The following KRT28 variants were observed in gnomAD, a reference collection of about 807,000 sequenced individuals.
KRT28 encodes keratin, type I cytoskeletal 28.
In KRT28, 45 loss-of-function variants were observed where a neutral mutation model predicts 48.1. That is an observed-to-expected ratio of 0.94 (90% CI 0.74 to 1.20). The LOEUF (loss-of-function observed/expected upper bound fraction) is 1.20. Among genes scored for constraint, KRT28 ranks in the 50% most tolerant of loss-of-function variants. KRT28 has a pLI of 0.00. For synonymous variants in KRT28, 228 were observed against 227.4 expected (o/e 1.00, Z -0.03); for missense variants, 571 against 574.1 (o/e 0.99, Z 0.06).
rs780539249 is a variant in KRT28 at position 40,799,742 on chromosome 17, C to G, written c.152G>C (p.Gly51Ala). The change falls in exon 1 of 8, where the codon GGG (glycine) becomes GCG (alanine). Residue 51 changes from glycine to alanine, a missense_variant. Physicochemically the swap from Gly to Ala is moderately conservative, Grantham distance 60 (BLOSUM62 0). Transcript: ENST00000306658. ...AGSEFSCALG[G>A]GLGSVPGGSH... The stretch of plus-strand genomic sequence containing the variant: ...CCCACCAGGAACACTGCCCAAGCCC[C>G]CTCCCAAGGCACAGGAAAATTCACT... 6.2e-7 allele frequency: 1 copy of G among 1,614,104 alleles called. No individual in the cohort carries two copies. The highest frequency in any genetic ancestry group is 1.1e-5 in the South Asian group (1 of 91,048).
Position 40,798,922 on chromosome 17 carries a change from C to T in KRT28, c.528G>A (p.Arg176=). The T allele has an allele frequency of 1.3e-6, 2 of 1,599,170 alleles. No individual in the cohort carries two copies. Among genetic ancestry groups the T allele is most frequent in the Non-Finnish European group, 1.7e-6 (2 of 1,170,388 alleles). Residue 176 remains arginine, a synonymous_variant, in exon 2 of 8, where the codon AGG becomes AGA. Coordinates refer to ENST00000306658, the MANE Select transcript of KRT28 (RefSeq NM_181535.3). ...DNARLAADDF[R]LKYENELTLH... ...GATTTTCTTCTGTCACTTACTTTAGCCTGAAATCATCAGCAGCCAGTCTGG... is the reference window on the plus strand; with the variant it reads ...GATTTTCTTCTGTCACTTACTTTAGTCTGAAATCATCAGCAGCCAGTCTGG...
In KRT28 at chr17:40,798,990, A is replaced by G; in HGVS notation, c.460T>C (p.Ser154Pro). The change falls in exon 2 of 8, where the codon TCC becomes CCC. Residue 154 changes from serine (S) to proline (P), a missense_variant. Ser to Pro is a moderately conservative substitution (Grantham distance 74). Coordinates refer to ENST00000306658, the MANE Select transcript of KRT28 (RefSeq NM_181535.3). ...ATGACATTAGCATTAGTAGTAGTGGAGGAGATAATCTAGAATAAACCAAAA... is the reference window on the plus strand; with the variant it reads ...ATGACATTAGCATTAGTAGTAGTGGGGGAGATAATCTAGAATAAACCAAAA... ...IEDLKNKIISSTTTNANVILQ... is the reference protein window; with the variant it reads ...IEDLKNKIISPTTTNANVILQ... 6.3e-7 allele frequency: 1 copy of G among 1,597,808 alleles called. No homozygotes were observed. Among genetic ancestry groups the G allele is most frequent in the Non-Finnish European group, 8.6e-7 (1 of 1,168,698 alleles).
intron 5 of KRT28, among the ~76,000 whole-genome samples, chr17:40,795,193 T>A (rs139518804): frequency 1.1e-3 from 170 of 152,274 alleles, no homozygotes; most frequent in African/African-American, 3.9e-3. Context: ...ACGTGTTACA[T>A]GGAGGGTGCT....
rs533861847 is a variant in KRT28 at position 40,797,228 on chromosome 17, G to C, written c.744C>G (p.Asn248Lys). The C allele has an allele frequency of 6.2e-7, 1 of 1,614,010 alleles. No homozygotes were observed. Among genetic ancestry groups the C allele is most frequent in the Admixed American group, 1.7e-5 (1 of 60,000 alleles). Residue 248 changes from asparagine to lysine, a missense_variant, in exon 4 of 8, where the codon AAC (asparagine) becomes AAG (lysine). Coordinates refer to ENST00000306658, the MANE Select transcript of KRT28 (RefSeq NM_181535.3). ...AAGGNVNVEM[N>K]AAPGVDLAVL... ...CCGCGAGGTCTACCCCCGGGGCCGC[G>C]TTCATCTCCACGTTCACGTTGCCCC...
rs561132276 is a variant in KRT28, at chr17:40,799,231, T to C, written c.450+213A>G. ...ACTTTTTTATTCATATGCCTATGAA[T>C]GTACTTCAACATAAACAATGGAACT... On this transcript the variant is annotated intron_variant, in intron 1 of 7. Coordinates refer to ENST00000306658, the MANE Select transcript of KRT28 (RefSeq NM_181535.3). Among the ~76,000 whole-genome samples the C allele has an allele frequency of 9.2e-5, 14 of 152,354 alleles. No individual in the cohort carries two copies. In the South Asian group the frequency reaches 2.3e-3, roughly 25 times the overall value.
At position 40,798,389 on chromosome 17, in the gene KRT28, T is replaced by C. The variant is rs1458263742; in HGVS notation, c.536A>G (p.Tyr179Cys). Reference sequence around the variant, plus strand: ...TTGGTGAAGGGTGAGCTCATTTTCATACCTTGGGGGGCATTTAAGTGAATT... The same window carrying C: ...TTGGTGAAGGGTGAGCTCATTTTCACACCTTGGGGGGCATTTAAGTGAATT... Reference protein sequence around the residue: ...RLAADDFRLKYENELTLHQNV... With the variant: ...RLAADDFRLKCENELTLHQNV... The change falls in exon 3 of 8, where the codon TAT (tyrosine) becomes TGT (cysteine). Residue 179 changes from tyrosine (Y) to cysteine (C), a missense_variant and splice_region_variant. Tyr to Cys is a radical substitution (Grantham distance 194, BLOSUM62 -2). Coordinates refer to ENST00000306658, the MANE Select transcript of KRT28 (RefSeq NM_181535.3). 2 of 1,601,876 alleles carry C rather than the reference T, an allele frequency of 1.2e-6. No homozygotes were observed. Among genetic ancestry groups the C allele is most frequent in the Non-Finnish European group, 1.7e-6 (2 of 1,172,204 alleles).
rs142890972 is a variant in KRT28 at position 40,794,209 on chromosome 17, G to A, written c.979-163C>T. Among the ~76,000 whole-genome samples, 348 of 152,298 alleles carry A rather than the reference G, an allele frequency of 2.3e-3. 2 individuals are homozygous for A. The highest frequency in any genetic ancestry group is 3.9e-3 in the Non-Finnish European group (265 of 68,022). Reference sequence around the variant, plus strand: ...GAAAGGAGGCTGGCATTTATGAAGTGAGGGCCAGGCATGATGGACGTGGGA... The same window carrying A: ...GAAAGGAGGCTGGCATTTATGAAGTAAGGGCCAGGCATGATGGACGTGGGA... On this transcript the variant is annotated intron_variant, in intron 5 of 7. Coordinates refer to ENST00000306658, the MANE Select transcript of KRT28 (RefSeq NM_181535.3).
Position 40,799,570 on chromosome 17 carries a change from C to G in KRT28, c.324G>C (p.Glu108Asp). 6.2e-7 allele frequency: 1 copy of G among 1,614,192 alleles called. No individual in the cohort carries two copies. Among genetic ancestry groups the G allele is most frequent in the Non-Finnish European group, 8.5e-7 (1 of 1,180,024 alleles). ...TTCTCTCTAATTCAGCATTTGCCTC[C>G]TCCAGAGCTCGCACATTATCCAGGT... The part of the protein sequence containing the change: ...ASYLDNVRAL[E>D]EANAELERKI... The change falls in exon 1 of 8, where the codon GAG becomes GAC. Residue 108 changes from glutamate to aspartate, a missense_variant. Coordinates refer to ENST00000306658, the MANE Select transcript of KRT28 (RefSeq NM_181535.3).
intron 5 of KRT28, among the ~76,000 whole-genome samples, chr17:40,795,949 A>T (rs758165256): frequency 9.2e-5 from 14 of 152,152 alleles, no homozygotes; most frequent in Non-Finnish European, 1.8e-4. Flanking sequence ...AGCAGCAGTG[A>T]TGAGGGAGAG....
intron 1 of KRT28, 100 bp from the exon 2 acceptor site, chr17:40,799,099 A>ATTTCACCTCCT: frequency 1.4e-6 from 1 of 727,168 alleles, no homozygotes. Context: ...TTGCATAAAA[A>ATTTCACCTCCT]TTTCACCTCC....
In KRT28 at chr17:40,796,959, G is replaced by A; in HGVS notation, c.935C>T (p.Thr312Ile). The A allele has an allele frequency of 1.2e-6, 2 of 1,612,674 alleles. No homozygotes were observed. The highest frequency in any genetic ancestry group is 1.7e-6 in the Non-Finnish European group (2 of 1,179,664). Reference protein sequence around the residue: ...ARSQLTEMRRTLQTLEIQLQS... With the variant: ...ARSQLTEMRRILQTLEIQLQS... ...CAGCTGGATCTCCAGGGTCTGCAGG[G>A]TGCGCCTCATCTCGGTGAGCTGGCT... Residue 312 changes from threonine to isoleucine, a missense_variant, in exon 5 of 8, where the codon ACC (threonine) becomes ATC (isoleucine). Thr to Ile is a moderately conservative substitution (Grantham distance 89). Transcript: ENST00000306658.
In KRT28 at chr17:40,799,739, C is replaced by T. The variant is rs7209228; in HGVS notation, c.155G>A (p.Gly52Asp). ...GCTCCCACCAGGAACACTGCCCAAG[C>T]CCCCTCCCAAGGCACAGGAAAATTC... is the stretch of plus-strand genomic sequence containing the variant. The part of the protein sequence containing the change: ...GSEFSCALGG[G>D]LGSVPGGSHA... The change falls in exon 1 of 8, where the codon GGC (glycine) becomes GAC (aspartate). Residue 52 changes from glycine to aspartate, a missense_variant. Transcript: ENST00000306658. 0.17 allele frequency: 268,903 copies of T among 1,613,818 alleles called. 23,991 individuals are homozygous for T. Among genetic ancestry groups the T allele is most frequent in the Middle Eastern group, 0.21 (1,296 of 6,062 alleles).
chr17:40,797,707 C>T (rs1904649344), intron 3 of KRT28, among the ~76,000 whole-genome samples: 1 of 152,074 alleles, frequency 6.6e-6, no homozygotes, highest in Non-Finnish European at 1.5e-5. Context: ...TGAGATTGCG[C>T]CACTGCACTC....
chr17:40,799,594 G>A lies in KRT28; in HGVS notation c.300C>T (p.Tyr100=), dbSNP rs1384549450. The change falls in exon 1 of 8, where the codon TAC becomes TAT. Residue 100 remains tyrosine (Y), a synonymous_variant. Coordinates refer to ENST00000306658, the MANE Select transcript of KRT28 (RefSeq NM_181535.3). ...CCTCCAGAGCTCGCACATTATCCAG[G>A]TAGGATGCCAAGCGGTCATTAAGAT... is the stretch of plus-strand genomic sequence containing the variant. The part of the protein sequence containing the change: ...MQNLNDRLAS[Y]LDNVRALEEA... 4.3e-6 allele frequency: 7 copies of A among 1,613,962 alleles called. No individual in the cohort carries two copies. Among genetic ancestry groups the A allele is most frequent in the East Asian group, 2.2e-5 (1 of 44,886 alleles).
In KRT28 at chr17:40,796,927, G is replaced by C. The variant is rs1904624011; in HGVS notation, c.967C>G (p.Leu323Val). Residue 323 changes from leucine (L) to valine (V), a missense_variant, in exon 5 of 8, where the codon CTG becomes GTG. Transcript: ENST00000306658. ...LQTLEIQLQS[L>V]MATKHSLECS... The stretch of plus-strand genomic sequence containing the variant: ...TCGCTGTCACCTACCGTGGCCATCA[G>C]GGACTGCAGCTGGATCTCCAGGGTC... The C allele has an allele frequency of 6.2e-7, 1 of 1,603,678 alleles. No homozygotes were observed. The highest frequency in any genetic ancestry group is 1.1e-5 in the South Asian group (1 of 90,302).
At chr17:40,793,425 T>G (rs1294577214) in intron 6 of KRT28, among the ~76,000 whole-genome samples, 1 of 152,152 alleles carries the variant, frequency 6.6e-6, no homozygotes, top group Non-Finnish European at 1.5e-5. Flanking sequence ...ATTTTTTTTT[T>G]TACACCCAAG....
At chr17:40,794,123 G>T (rs1183346206) in intron 5 of KRT28, 77 bp from the exon 6 acceptor site, 5 of 1,534,342 alleles carry the variant, frequency 3.3e-6, no homozygotes, top group East Asian at 4.5e-5. Context: ...TCAGTAATCA[G>T]CAGGATTGCT....
At chr17:40,794,231 G>A (rs1290123690) in intron 5 of KRT28, among the ~76,000 whole-genome samples, 185 bp from the exon 6 acceptor site, 1 of 152,124 alleles carries the variant, frequency 6.6e-6, no homozygotes, top group Admixed American at 6.5e-5. Context: ...TGATGGACGT[G>A]GGATCCTGAC....
intron 2 of KRT28, 60 bp downstream of exon 2, chr17:40,798,857 T>C (rs2143079317): frequency 1.8e-6 from 2 of 1,099,986 alleles, no homozygotes; most frequent in Middle Eastern, 2.6e-4. Context: ...AGAAATTTTA[T>C]TTAACAAATT....
Sources: allele counts gnomAD v4.1 joint callset (sites outside exome capture counted in the v4.1 genomes callset), GRCh38; gene constraint gnomAD v4.1.1; transcripts MANE v1.5; gene names NCBI Gene and HGNC (gene_info 2026-07-23, HGNC 2026-07-21).